Variants in DOCK4 observed in about 807,000 individuals in gnomAD.
The protein encoded by DOCK4 is dedicator of cytokinesis 4, also known as dedicator of cytokinesis protein 4.
A neutral mutation model predicts 268.1 loss-of-function variants in DOCK4; 97 were observed. That is an observed-to-expected ratio of 0.36 (90% CI 0.31 to 0.43). The LOEUF is 0.43. Ranked by LOEUF, DOCK4 falls within the 20% of genes least tolerant of loss-of-function variation. The probability of loss-of-function intolerance (pLI) is 1.00; values close to 1 mark genes in which losing one functional copy is unlikely to be tolerated. For synonymous variants in DOCK4, 954 were observed against 887.2 expected, an observed-to-expected ratio of 1.08 and a Z score of -1.34; for missense variants, 2,145 against 2,455.7, an observed-to-expected ratio of 0.87 and a Z score of 2.67.
At chr7:111,751,723 G>A (rs1258448764) in intron 42 of DOCK4, among the ~76,000 whole-genome samples, 6 of 152,088 alleles carry the variant, frequency 3.9e-5, no homozygotes, top group Non-Finnish European at 4.4e-5. Flanking sequence ...GGGATTACAG[G>A]TATGAGCCGC....
intron 35 of DOCK4, among the ~76,000 whole-genome samples, chr7:111,778,636 A>AC (rs1177352280): frequency 6.6e-6 from 1 of 152,346 alleles, no homozygotes; most frequent in African/African-American, 2.4e-5. Context: ...ATGTCAATGA[A>AC]CAATCAGCCT....
chr7:112,057,792 A>G (rs977724204), intron 1 of DOCK4, among the ~76,000 whole-genome samples: 2 of 151,684 alleles, frequency 1.3e-5, no homozygotes, highest in Non-Finnish European at 2.9e-5. Flanking sequence ...TAAATATATA[A>G]AAATAATAAT....
intron 1 of DOCK4, among the ~76,000 whole-genome samples, chr7:112,154,112 C>G (rs747481993): frequency 2.0e-5 from 3 of 151,990 alleles, no homozygotes; most frequent in Non-Finnish European, 4.4e-5. Flanking sequence ...GCTGGGACCA[C>G]GAGCATTTGC....
chr7:111,793,472 C>G (rs1172193832), intron 30 of DOCK4, among the ~76,000 whole-genome samples: 1 of 152,170 alleles, frequency 6.6e-6, no homozygotes, highest in Admixed American at 6.5e-5. Flanking sequence ...TGATAAGGAA[C>G]AAAGTATTCA....
Position 111,768,586 on chromosome 7 carries a change from T to A in DOCK4, c.3828+943A>T, listed in dbSNP as rs567758889. On this transcript the variant is annotated intron_variant, in intron 37 of 52. Transcript: ENST00000428084. ...CAATAAACAATGGCGGTCAGATTCA[T>A]GAATTTTTTAAAAGAGTACTACAAG... 5.2e-4 allele frequency among the ~76,000 whole-genome samples: 77 copies of A among 148,778 alleles called. No individual in the cohort carries two copies. In the East Asian group the frequency reaches 0.014, roughly 27 times the overall value.
intron 1 of DOCK4, among the ~76,000 whole-genome samples, chr7:112,196,784 A>G (rs1234110144): frequency 6.6e-6 from 1 of 152,188 alleles, no homozygotes; most frequent in African/African-American, 2.4e-5. Context: ...TTGTTAACTA[A>G]TACAAATTGT....
At chr7:112,027,384 C>T (rs1802899403) in intron 1 of DOCK4, among the ~76,000 whole-genome samples, 1 of 152,062 alleles carries the variant, frequency 6.6e-6, no homozygotes. Flanking sequence ...ACCACCACAC[C>T]CGGTTAATTT....
intron 12 of DOCK4, among the ~76,000 whole-genome samples, chr7:111,921,925 A>G (rs567547168): frequency 6.6e-6 from 1 of 152,370 alleles, no homozygotes; most frequent in African/African-American, 2.4e-5. Flanking sequence ...ACTTACCACC[A>G]GATAAATCCA....
chr7:111,769,428 C>T, intron 37 of DOCK4, 101 bp downstream of exon 37: 1 of 1,420,404 alleles, frequency 7.0e-7, no homozygotes, highest in Non-Finnish European at 9.7e-7. Context: ...TGTGAGGATC[C>T]CTGCTTAAGG....
chr7:112,023,693 A>G (rs1332604758), intron 1 of DOCK4: 1 of 446,274 alleles, frequency 2.2e-6, no homozygotes, highest in Non-Finnish European at 4.5e-6. Flanking sequence ...ATAGGCAGAC[A>G]GGCATTTTGT....
intron 8 of DOCK4, among the ~76,000 whole-genome samples, chr7:111,954,688 C>T (rs1042887345): frequency 2.6e-5 from 4 of 152,162 alleles, no homozygotes; most frequent in African/African-American, 9.7e-5. Flanking sequence ...CAGACTGGGA[C>T]ACTTCCTGTT....
chr7:111,802,390 C>T (rs906156623), intron 30 of DOCK4, among the ~76,000 whole-genome samples: 1 of 152,174 alleles, frequency 6.6e-6, no homozygotes, highest in African/African-American at 2.4e-5. Flanking sequence ...GAGGCTGTGC[C>T]CCAGCAGAGC....
intron 41 of DOCK4, among the ~76,000 whole-genome samples, chr7:111,757,954 CTT>C (rs1797142812): frequency 6.6e-6 from 1 of 152,152 alleles, no homozygotes; most frequent in Admixed American, 6.6e-5. Context: ...AATCTTGCCT[CTT>C]TTCTGCAGTG....
At chr7:111,901,900 A>T (rs1218251789) in intron 13 of DOCK4, 99 bp from the exon 14 acceptor site, 7 of 787,786 alleles carry the variant, frequency 8.9e-6, no homozygotes, top group Non-Finnish European at 1.2e-5. Context: ...ATATACTGCT[A>T]TACATACATA....
At chr7:112,151,650 T>C (rs1190307836) in intron 1 of DOCK4, among the ~76,000 whole-genome samples, 1 of 152,052 alleles carries the variant, frequency 6.6e-6, no homozygotes, top group East Asian at 1.9e-4. Flanking sequence ...AACATGAAGT[T>C]CTGCTATTGT....
intron 44 of DOCK4, 126 bp downstream of exon 44, chr7:111,746,208 A>C (rs1438427799): frequency 4.5e-6 from 3 of 664,224 alleles, no homozygotes; most frequent in Non-Finnish European, 7.6e-6. Context: ...ATATTACAGG[A>C]ATCTGTCACC....
intron 12 of DOCK4, chr7:111,935,322 G>C: frequency 1.7e-6 from 1 of 582,862 alleles, no homozygotes; most frequent in South Asian, 1.7e-5. Context: ...TATCTTTTTC[G>C]TTTCAACAAG....
intron 50 of DOCK4, among the ~76,000 whole-genome samples, chr7:111,735,961 T>C (rs1168600831): frequency 6.6e-6 from 1 of 152,376 alleles, no homozygotes; most frequent in East Asian, 1.9e-4. Context: ...TCTTTTTCTC[T>C]ATTCTTTTAA....
chr7:111,785,305 A>G (rs1799089250), intron 32 of DOCK4, among the ~76,000 whole-genome samples: 1 of 152,174 alleles, frequency 6.6e-6, no homozygotes, highest in Non-Finnish European at 1.5e-5. Context: ...TTAAATTGCA[A>G]ATTGTATTGA....
Sources: allele counts gnomAD v4.1 joint callset (sites outside exome capture counted in the v4.1 genomes callset), GRCh38; gene constraint gnomAD v4.1.1; transcripts MANE v1.5; gene names NCBI Gene and HGNC (gene_info 2026-07-23, HGNC 2026-07-21).